The following EBF4 variants were observed in gnomAD, a reference collection of about 807,000 sequenced individuals.
EBF4 encodes the protein transcription factor COE4.
A neutral mutation model predicts 67.1 loss-of-function variants in EBF4; 34 were observed. That is an observed-to-expected ratio of 0.51 (90% CI 0.39 to 0.67). The LOEUF is 0.67. EBF4 is among the 30% of genes least tolerant of loss of function. The pLI, the probability that EBF4 is intolerant of heterozygous loss-of-function variation, is 0.00. For synonymous variants in EBF4, 387 were observed against 377.7 expected (o/e 1.02, Z -0.29); for missense variants, 837 against 873.3 (o/e 0.96, Z 0.52).
intron 1 of EBF4, among the ~76,000 whole-genome samples, chr20:2,703,829 A>T (rs2146378405): frequency 6.6e-6 from 1 of 152,298 alleles, no homozygotes; most frequent in African/African-American, 2.4e-5. Context: ...GTGGTTCTGG[A>T]TCAGGGCCTC....
At chr20:2,695,894 C>T (rs2146357623) in intron 1 of EBF4, among the ~76,000 whole-genome samples, 1 of 152,322 alleles carries the variant, frequency 6.6e-6, no homozygotes, top group Non-Finnish European at 1.5e-5. Flanking sequence ...CTCAGCCTCA[C>T]CCCACAGTTG....
chr20:2,755,701 T>G lies in EBF4; in HGVS notation c.1615T>G (p.Phe539Val). Residue 539 changes from phenylalanine to valine, a missense_variant, in exon 15 of 17, where the codon TTC (phenylalanine) becomes GTC (valine). Transcript: ENST00000609451. The surrounding 1 kb of genome is among the most constrained non-coding windows in gnomAD (Gnocchi z 4.7). ...GGCCGCTGCCCCCACCACCAGCGTG[T>G]TCTCCTTCTCGCCTGTCAACATGAT... The G allele has an allele frequency of 6.5e-7, 1 of 1,540,280 alleles. No individual in the cohort carries two copies. The highest frequency in any genetic ancestry group is 8.8e-7 in the Non-Finnish European group (1 of 1,140,950).
At chr20:2,742,150 T>C (rs2087977460) in intron 6 of EBF4, among the ~76,000 whole-genome samples, 3 of 152,248 alleles carry the variant, frequency 2.0e-5, no homozygotes, top group Admixed American at 2.0e-4. Flanking sequence ...TCTAGGACTC[T>C]TGTCGGCATC....
At chr20:2,694,228 G>A (rs561812302) in intron 1 of EBF4, among the ~76,000 whole-genome samples, 1 of 152,144 alleles carries the variant, frequency 6.6e-6, no homozygotes, top group Non-Finnish European at 1.5e-5. Flanking sequence ...CCTTTCCCAC[G>A]CCCCTCAGAG....
chr20:2,710,551 C>G (rs2087528662), intron 6 of EBF4, among the ~76,000 whole-genome samples: 1 of 141,930 alleles, frequency 7.0e-6, no homozygotes, highest in Admixed American at 7.0e-5. Context: ...CTATGTAGAG[C>G]ATACTGTACA....
At chr20:2,753,597 C>G (rs1343579171) in intron 14 of EBF4, among the ~76,000 whole-genome samples, 5 of 152,272 alleles carry the variant, frequency 3.3e-5, no homozygotes, top group Non-Finnish European at 1.5e-5. Context: ...CTCTGCCGAG[C>G]TGGAGAGGTG....
At position 2,693,638 on chromosome 20, in the gene EBF4, G is replaced by A. The variant is rs2087244127; in HGVS notation, c.-8G>A. 1.4e-6 allele frequency: 2 copies of A among 1,406,780 alleles called. No individual in the cohort carries two copies. Among genetic ancestry groups the A allele is most frequent in the African/African-American group, 1.5e-5 (1 of 66,578 alleles). 87.1% of individuals were successfully genotyped at this position (1,406,780 alleles called of 1,614,324 possible). ...GGCGGCGGGGGCGCTCACTCACCGC[G>A]CGCCCTCATGTTCCCTGCGCAGGAC... On this transcript the variant is annotated 5_prime_UTR_variant, in exon 1 of 17. Coordinates refer to ENST00000609451, the Ensembl canonical transcript of EBF4. The surrounding 1 kb of genome is among the most constrained non-coding windows in gnomAD (Gnocchi z 4.6).
intron 6 of EBF4, among the ~76,000 whole-genome samples, chr20:2,736,791 TC>T (rs1323432829): frequency 6.6e-6 from 1 of 151,866 alleles, no homozygotes; most frequent in African/African-American, 2.4e-5. Context: ...GCTCATGTGC[TC>T]CGAAGGTCAT....
At chr20:2,713,567 C>A (rs2087570815) in intron 6 of EBF4, among the ~76,000 whole-genome samples, 1 of 152,254 alleles carries the variant, frequency 6.6e-6, no homozygotes, top group Non-Finnish European at 1.5e-5. Flanking sequence ...CTTTCTCCAG[C>A]CATGTTGAGC....
At position 2,756,296 on chromosome 20, in the gene EBF4, A is replaced by G. The variant is rs1189719625; in HGVS notation, c.1738+472A>G. 6.6e-6 allele frequency among the ~76,000 whole-genome samples: 1 copy of G among 152,152 alleles called. No homozygotes were observed. Among genetic ancestry groups the G allele is most frequent in the Non-Finnish European group, 1.5e-5 (1 of 68,010 alleles). ...GGCTTAGCCCAGCTTCCCTCCCCGC[A>G]TTTTACAGATTAGGACTTGAGACCA... On this transcript the variant is annotated intron_variant, in intron 15 of 16. Transcript: ENST00000609451. This position sits in a 1 kb window ranked among gnomAD's most constrained non-coding sequence, Gnocchi z 4.5.
At chr20:2,698,838 G>A (rs1251608764) in intron 1 of EBF4, among the ~76,000 whole-genome samples, 1 of 152,154 alleles carries the variant, frequency 6.6e-6, no homozygotes, top group African/African-American at 2.4e-5. Flanking sequence ...GAGTTATCAA[G>A]GCAGCCAGGA....
intron 14 of EBF4, 62 bp downstream of exon 14, chr20:2,752,607 C>T (rs1488509561): frequency 4.2e-6 from 5 of 1,186,006 alleles, no homozygotes; most frequent in African/African-American, 1.6e-5. Flanking sequence ...GACTCAGCCC[C>T]GCCCCCGCCC....
chr20:2,714,587 A>G (rs2087584865), intron 6 of EBF4, among the ~76,000 whole-genome samples: 1 of 152,214 alleles, frequency 6.6e-6, no homozygotes, highest in African/African-American at 2.4e-5. Flanking sequence ...CCTGGGCTCC[A>G]GGAATTCTTC....
At chr20:2,713,530 C>T (rs1262088820) in intron 6 of EBF4, among the ~76,000 whole-genome samples, 1 of 152,094 alleles carries the variant, frequency 6.6e-6, no homozygotes, top group Non-Finnish European at 1.5e-5. Context: ...GTACCCTTGA[C>T]GTTTATGATC....
At position 2,718,292 on chromosome 20, in the gene EBF4, C is replaced by G. The variant is rs192475749; in HGVS notation, c.557+8650C>G. Among the ~76,000 whole-genome samples the G allele has an allele frequency of 2.6e-4, 40 of 152,130 alleles. 1 individual carries two copies. In the East Asian group the frequency reaches 7.7e-3, roughly 29 times the overall value. On this transcript the variant is annotated intron_variant, in intron 6 of 16. Coordinates refer to ENST00000609451, the Ensembl canonical transcript of EBF4. ...CTTTGGTTTTGGGATTGGGGTAATG[C>G]TGGCCTCATTTGAATTGATTGGGAA... is the stretch of plus-strand genomic sequence containing the variant.
At chr20:2,709,186 CA>C (rs982968670) in intron 5 of EBF4, among the ~76,000 whole-genome samples, 1 of 151,068 alleles carries the variant, frequency 6.6e-6, no homozygotes, top group African/African-American at 2.4e-5. Flanking sequence ...GACTCTGTCT[CA>C]AAAAAAAGAA....
intron 6 of EBF4, among the ~76,000 whole-genome samples, chr20:2,732,102 T>C (rs1430089126): frequency 6.9e-6 from 1 of 145,964 alleles, no homozygotes; most frequent in Non-Finnish European, 1.5e-5. Flanking sequence ...ATACATGTGC[T>C]TTTTTTTTTT....
chr20:2,737,487 C>A (rs1467323478), intron 6 of EBF4, among the ~76,000 whole-genome samples: 2 of 152,050 alleles, frequency 1.3e-5, no homozygotes, highest in African/African-American at 4.8e-5. Context: ...AGCTTCAGTT[C>A]CCTAATGTGT....
intron 6 of EBF4, among the ~76,000 whole-genome samples, chr20:2,737,060 T>A (rs3859662): frequency 0.84 from 128,013 of 151,574 alleles, 54,101 homozygotes; most frequent in Middle Eastern, 0.89. Flanking sequence ...CCATCCTGGC[T>A]AACACGGTGA....
Sources: gnomAD v4.1 joint callset for allele counts (sites outside exome capture counted in the v4.1 genomes callset) on GRCh38, gnomAD v4.1.1 for gene constraint, Gnocchi (gnomAD v3.1) non-coding constraint, MANE v1.5 for transcripts, NCBI Gene and HGNC (gene_info 2026-07-23, HGNC 2026-07-21) for gene names.